STOX2: variants seen among roughly 807,000 people sequenced by gnomAD.
The protein encoded by STOX2 is storkhead-box protein 2.
In STOX2, 28 loss-of-function variants were observed where a neutral mutation model predicts 60.9. The ratio of observed to expected loss-of-function variants is 0.46; its 90% confidence interval spans 0.34 to 0.63. The LOEUF is 0.63. Ranked by LOEUF, STOX2 falls within the 30% of genes least tolerant of loss-of-function variation. The probability of loss-of-function intolerance (pLI) is 0.01; values close to 1 mark genes in which losing one functional copy is unlikely to be tolerated. For missense variants in STOX2, 1,024 were observed against 1,187.7 expected (o/e 0.86, Z 2.03); for synonymous variants, 472 against 463.9 (o/e 1.02, Z -0.22).
At chr4:183,876,733 G>C (rs560034735) in intron 1 of STOX2, among the ~76,000 whole-genome samples, 1 of 152,198 alleles carries the variant, frequency 6.6e-6, no homozygotes, top group Non-Finnish European at 1.5e-5. Context: ...AGTCGTTCAC[G>C]GCTGCGCCTC....
intron 1 of STOX2, among the ~76,000 whole-genome samples, chr4:183,973,777 C>T (rs1010059921): frequency 5.3e-5 from 8 of 152,156 alleles, no homozygotes; most frequent in South Asian, 4.1e-4. Context: ...GGGTGGATCA[C>T]GAGGTGAAGA....
chr4:184,001,691 T>C lies in STOX2; in HGVS notation c.319+214T>C, dbSNP rs566335946. On this transcript the variant is annotated intron_variant, in intron 2 of 3. Transcript: ENST00000308497. This position sits in a 1 kb window ranked among gnomAD's most constrained non-coding sequence, Gnocchi z 4.2. ...TGCTTCAGCTGTAATACTTTTTAAA[T>C]TGGCACCGAGAGGAAGAAATTAATT... Among the ~76,000 whole-genome samples, 1 of 152,242 alleles carries C rather than the reference T, an allele frequency of 6.6e-6. No individual in the cohort carries two copies. The highest frequency in any genetic ancestry group is 2.1e-4 in the South Asian group (1 of 4,800).
intron 1 of STOX2, among the ~76,000 whole-genome samples, chr4:183,986,878 C>A (rs1281434920): frequency 6.6e-6 from 1 of 152,006 alleles, no homozygotes; most frequent in Non-Finnish European, 1.5e-5. Flanking sequence ...GCCGGGAGAC[C>A]CACGTGGGGA....
chr4:183,821,064 G>A lies in STOX2; in HGVS notation c.364+23009G>A. Among the ~76,000 whole-genome samples, 1 of 152,126 alleles carries A rather than the reference G, an allele frequency of 6.6e-6. No homozygotes were observed. The highest frequency in any genetic ancestry group is 1.5e-5 in the Non-Finnish European group (1 of 68,024). ...CATGGTTACAGTGAGCTGTGATTGT[G>A]CCACTGTACTCCAGCCTCTGGCAAC... is the stretch of plus-strand genomic sequence containing the variant. On this transcript the variant is annotated intron_variant, in intron 1 of 2. Coordinates refer to the STOX2 transcript ENST00000513034. The surrounding 1 kb of genome is among the most constrained non-coding windows in gnomAD (Gnocchi z 4.2).
intron 3 of STOX2, among the ~76,000 whole-genome samples, chr4:184,013,772 C>T (rs1441864915): frequency 2.6e-5 from 4 of 152,176 alleles, no homozygotes; most frequent in Non-Finnish European, 5.9e-5. Context: ...ATTACCATTG[C>T]TGCGAGACAT....
chr4:183,951,466 T>C (rs1194617441), intron 1 of STOX2, among the ~76,000 whole-genome samples: 2 of 115,466 alleles, frequency 1.7e-5, no homozygotes, highest in African/African-American at 3.4e-5. Flanking sequence ...TTTTTTTTTT[T>C]TGGGACGGAG....
intron 1 of STOX2, among the ~76,000 whole-genome samples, chr4:183,982,405 C>G (rs1026719234): frequency 2.0e-5 from 3 of 152,210 alleles, no homozygotes; most frequent in Non-Finnish European, 4.4e-5. Context: ...TCTTCCACCA[C>G]TTAGTCAATC....
chr4:183,980,370 A>ACT (rs946826950), intron 1 of STOX2, among the ~76,000 whole-genome samples: 20 of 152,218 alleles, frequency 1.3e-4, no homozygotes, highest in Non-Finnish European at 2.6e-4. Flanking sequence ...CGTGCTGAAA[A>ACT]TAACTATACT....
At chr4:183,873,869 C>G (rs899005982) in intron 1 of STOX2, among the ~76,000 whole-genome samples, 4 of 152,172 alleles carry the variant, frequency 2.6e-5, no homozygotes. Flanking sequence ...GGTGGTTTCC[C>G]CAGGATTGTA....
intron 1 of STOX2, among the ~76,000 whole-genome samples, chr4:183,967,618 T>C (rs545670823): frequency 2.0e-5 from 3 of 152,274 alleles, no homozygotes; most frequent in East Asian, 3.9e-4. Flanking sequence ...CTAACTTAGA[T>C]AACTTGTTGT....
intron 1 of STOX2, among the ~76,000 whole-genome samples, chr4:183,954,787 GC>G (rs113477058): frequency 0.053 from 8,031 of 152,094 alleles, 665 homozygotes; most frequent in African/African-American, 0.17. Flanking sequence ...TGCCCAGGCC[GC>G]AGTGCAGTGG....
chr4:183,824,597 T>C (rs1739379509), intron 1 of STOX2, among the ~76,000 whole-genome samples: 2 of 152,210 alleles, frequency 1.3e-5, no homozygotes, highest in Admixed American at 1.3e-4. Context: ...TATAGAAAAG[T>C]TTCTTAATTT....
rs530555400 is a variant in STOX2, at chr4:183,906,428, T to C, written c.-363T>C. 7.3e-3 allele frequency: 1,351 copies of C among 184,968 alleles called. 8 individuals carry two copies. Among genetic ancestry groups the C allele is most frequent in the Non-Finnish European group, 0.01 (904 of 90,068 alleles). The allele number at this position is 184,968 out of a possible 1,614,324, so 11.5% of individuals were successfully genotyped here. ...AATCGGGCCATTGTCTGCGCTCCCA[T>C]TGCCTTCACGCTGCAAGTCTCGGCG... is the stretch of plus-strand genomic sequence containing the variant. On this transcript the variant is annotated 5_prime_UTR_variant, in exon 1 of 4. Coordinates refer to ENST00000308497, the MANE Select transcript of STOX2 (RefSeq NM_020225.3).
chr4:183,946,637 T>TTGTTTGTTTGTTTG (rs1553979867), intron 1 of STOX2, among the ~76,000 whole-genome samples: 3 of 151,562 alleles, frequency 2.0e-5, no homozygotes, highest in African/African-American at 7.3e-5. Context: ...GTTTTTTTTT[T>TTGTTTGTTTGTTTG]TTTTTTGTGA....
At chr4:183,861,594 GCTGTGTGA>G (rs1227253223) in intron 1 of STOX2, among the ~76,000 whole-genome samples, 1 of 152,138 alleles carries the variant, frequency 6.6e-6, no homozygotes, top group Non-Finnish European at 1.5e-5. Context: ...TTGCATCTTA[GCTGTGTGA>G]CCGTGAACAA....
chr4:183,989,924 G>A (rs147875669), intron 1 of STOX2, among the ~76,000 whole-genome samples: 27 of 152,252 alleles, frequency 1.8e-4, no homozygotes, highest in African/African-American at 6.0e-4. Flanking sequence ...GTTGAATCCC[G>A]TATGTAATAG....
chr4:183,904,518 C>T (rs1377118969), upstream of STOX2, among the ~76,000 whole-genome samples: 1 of 152,076 alleles, frequency 6.6e-6, no homozygotes, highest in African/African-American at 2.4e-5. Context: ...AGACATTGAA[C>T]TAGAAGTGCC....
chr4:183,938,541 C>CGGGT (rs1560893188), intron 1 of STOX2, among the ~76,000 whole-genome samples: 19 of 151,860 alleles, frequency 1.3e-4, no homozygotes, highest in East Asian at 1.2e-3. Flanking sequence ...TGGTGGTGCA[C>CGGGT]GCCTGTAATC....
intron 1 of STOX2, among the ~76,000 whole-genome samples, chr4:183,875,215 A>G (rs1259538197): frequency 6.6e-6 from 1 of 151,772 alleles, no homozygotes; most frequent in Non-Finnish European, 1.5e-5. Context: ...CTGTGGAGAA[A>G]CTGAGTTCTA....
Sources: allele counts gnomAD v4.1 joint callset (sites outside exome capture counted in the v4.1 genomes callset), GRCh38; gene constraint gnomAD v4.1.1; non-coding constraint Gnocchi (gnomAD v3.1); transcripts MANE v1.5; gene names NCBI Gene and HGNC (gene_info 2026-07-23, HGNC 2026-07-21).